CCNB1: variants seen among roughly 807,000 people sequenced by gnomAD.
The protein encoded by CCNB1 is cyclin B1, also known as G2/mitotic-specific cyclin-B1.
Under a neutral mutation model 44.4 loss-of-function variants are expected in CCNB1, and 26 were observed. The ratio of observed to expected loss-of-function variants is 0.59; its 90% CI spans 0.43 to 0.81. The LOEUF is 0.81. CCNB1 is among the 40% of genes least tolerant of loss of function. CCNB1 has a pLI of 0.00. For synonymous variants in CCNB1, 195 were observed against 181.4 expected (o/e 1.08, Z -0.60); for missense variants, 477 against 520.9 (o/e 0.92, Z 0.82).
chr5:69,168,189 C>T lies in CCNB1; in HGVS notation c.209C>T (p.Ala70Val). The change falls in exon 3 of 9, where the codon GCT becomes GTT. Residue 70 changes from alanine to valine, a missense_variant. Coordinates refer to ENST00000256442, the MANE Select transcript of CCNB1 (RefSeq NM_031966.4). Reference protein sequence around the residue: ...MPMKKEAKPSATGKVIDKKLP... With the variant: ...MPMKKEAKPSVTGKVIDKKLP... ...CATCTACAGGAAGCAAAACCTTCAG[C>T]TACTGGAAAAGTCATTGATAAAAAA... 6.2e-7 allele frequency: 1 copy of T among 1,614,072 alleles called. No homozygotes were observed. Among genetic ancestry groups the T allele is most frequent in the South Asian group, 1.1e-5 (1 of 91,060 alleles).
intron 1 of CCNB1, 160 bp downstream of exon 1, chr5:69,167,443 G>A (rs1177524837): frequency 5.7e-6 from 4 of 697,266 alleles, no homozygotes; most frequent in South Asian, 4.8e-5. Flanking sequence ...GTGGGCCCAG[G>A]CCTGGTGAGA....
chr5:69,169,219 C>T (rs1028462573), intron 3 of CCNB1, among the ~76,000 whole-genome samples: 1 of 152,028 alleles, frequency 6.6e-6, no homozygotes, highest in African/African-American at 2.4e-5. Context: ...TACAGACGCA[C>T]GCCACCACGC....
chr5:69,170,042 C>T (rs1747426002), intron 3 of CCNB1, among the ~76,000 whole-genome samples: 1 of 151,834 alleles, frequency 6.6e-6, no homozygotes, highest in Admixed American at 6.6e-5. Context: ...TGGCTCACTG[C>T]AACCTCTACC....
At position 69,167,366 on chromosome 5, in the gene CCNB1, G is replaced by GC. The variant is rs545330687; in HGVS notation, c.21+84dup. 1,222 of 1,510,844 alleles carry GC rather than the reference G, an allele frequency of 8.1e-4. 9 individuals are homozygous for GC. Among genetic ancestry groups the GC allele is most frequent in the Admixed American group, 7.9e-3 (465 of 59,084 alleles). 93.6% of individuals were successfully genotyped at this position (1,510,844 alleles called of 1,614,324 possible). A position where few individuals can be genotyped will look rare whatever the true frequency, so the allele number is the denominator to read the frequency against. On this transcript the variant is annotated intron_variant, in intron 1 of 8. Coordinates refer to ENST00000256442, the MANE Select transcript of CCNB1 (RefSeq NM_031966.4). Reference sequence around the variant, plus strand: ...TGCCTCGCCTGCGGGAGCCTCCCGAGCGGGAGAGGGCCGCAGGAGCGATTT... The same window carrying GC: ...TGCCTCGCCTGCGGGAGCCTCCCGAGCCGGGAGAGGGCCGCAGGAGCGATTT...
chr5:69,168,161 T>A lies in CCNB1; in HGVS notation c.193-12T>A, dbSNP rs762399522. ...ATGCAGAAACATTTCATTCTCTCTG[T>A]TTCATCTACAGGAAGCAAAACCTTC... On this transcript the variant is annotated splice_polypyrimidine_tract_variant and intron_variant, in intron 2 of 8. Coordinates refer to ENST00000256442, the MANE Select transcript of CCNB1 (RefSeq NM_031966.4). 1 of 1,613,488 alleles carries A rather than the reference T, an allele frequency of 6.2e-7. No homozygotes were observed. Among genetic ancestry groups the A allele is most frequent in the Non-Finnish European group, 8.5e-7 (1 of 1,179,592 alleles).
intron 4 of CCNB1, among the ~76,000 whole-genome samples, chr5:69,172,406 A>G (rs1183232912): frequency 1.3e-5 from 2 of 152,016 alleles, no homozygotes; most frequent in Non-Finnish European, 2.9e-5. Flanking sequence ...ACAGGTGCCC[A>G]CCACAACACC....
intron 7 of CCNB1, among the ~76,000 whole-genome samples, chr5:69,176,617 A>G (rs1258750841): frequency 6.7e-5 from 10 of 149,590 alleles, no homozygotes; most frequent in Non-Finnish European, 1.3e-4. Flanking sequence ...TGATCCGCCC[A>G]CCTTGGCCTC....
At position 69,167,292 on chromosome 5, in the gene CCNB1, C is replaced by T. The variant is rs745919037; in HGVS notation, c.21+9C>T. ...CGCTCCGAGTCACCAGGGTGAGCCG[C>T]TTCGGACTGCGAACTAACGCGGCCT... is the stretch of plus-strand genomic sequence containing the variant. On this transcript the variant is annotated intron_variant, in intron 1 of 8. Transcript: ENST00000256442. 92 of 1,595,870 alleles carry T rather than the reference C, an allele frequency of 5.8e-5. 2 individuals carry two copies. Among genetic ancestry groups the T allele is most frequent in the Non-Finnish European group, 7.4e-5 (87 of 1,174,154 alleles).
intron 7 of CCNB1, among the ~76,000 whole-genome samples, chr5:69,175,981 A>AT (rs1747577420): frequency 3.4e-5 from 3 of 87,668 alleles, no homozygotes; most frequent in African/African-American, 4.9e-5. Context: ...AAAATATATA[A>AT]AATATATATA....
At chr5:69,177,163 A>G in intron 7 of CCNB1, 76 bp from the exon 8 acceptor site, 1 of 802,940 alleles carries the variant, frequency 1.2e-6, no homozygotes, top group Non-Finnish European at 2.1e-6. Context: ...CCACTCCTGA[A>G]TAACATCTAA....
Position 69,167,160 on chromosome 5 carries a change from G to C in CCNB1, c.-103G>C. 1.1e-6 allele frequency: 1 copy of C among 951,644 alleles called. No homozygotes were observed. The highest frequency in any genetic ancestry group is 1.6e-6 in the Non-Finnish European group (1 of 644,112). The allele number at this position is 951,644 out of a possible 1,614,324, so 59.0% of individuals were successfully genotyped here. On this transcript the variant is annotated 5_prime_UTR_variant, in exon 1 of 9. Transcript: ENST00000256442. ...AGGCTGGCTCTTCTCGGCGTGCTGC[G>C]GCGGAACGGCTGTTGGTTTCTGCTG...
chr5:69,167,929 A>T lies in CCNB1; in HGVS notation c.43A>T (p.Asn15Tyr). ...VTRNSKINAE[N>Y]KAKINMAGAK... ...TCAGAACTCGAAAATTAATGCTGAA[A>T]ATAAGGCGAAGATCAACATGGCAGG... Residue 15 changes from asparagine (N) to tyrosine (Y), a missense_variant, in exon 2 of 9, where the codon AAT (asparagine) becomes TAT (tyrosine). Coordinates refer to ENST00000256442, the MANE Select transcript of CCNB1 (RefSeq NM_031966.4). 2 of 1,610,092 alleles carry T rather than the reference A, an allele frequency of 1.2e-6. No homozygotes were observed.
chr5:69,174,901 C>T lies in CCNB1; in HGVS notation c.730C>T (p.Leu244=), dbSNP rs778378521. ...GAATAATTGTGTGCCCAAGAAGATG[C>T]TGCAGCTGGTTGGTGTCACTGCCAT... ...MQNNCVPKKM[L]QLVGVTAMFI... Residue 244 remains leucine (L), a synonymous_variant, in exon 6 of 9, where the codon CTG becomes TTG. Coordinates refer to ENST00000256442, the MANE Select transcript of CCNB1 (RefSeq NM_031966.4). The T allele has an allele frequency of 8.7e-6, 14 of 1,614,040 alleles. No individual in the cohort carries two copies. The Admixed American group carries it at 1.7e-4, about 19-fold the overall frequency.
At chr5:69,174,192 G>T in intron 4 of CCNB1, 59 bp from the exon 5 acceptor site, 1 of 1,496,898 alleles carries the variant, frequency 6.7e-7, no homozygotes, top group South Asian at 1.2e-5. Flanking sequence ...GATCTTTCTG[G>T]ACATAAATGT....
Position 69,171,425 on chromosome 5 carries a change from T to C in CCNB1, c.519T>C (p.Asp173=), listed in dbSNP as rs1016484804. Residue 173 remains aspartate, a synonymous_variant, in exon 4 of 9, where the codon GAT becomes GAC. Transcript: ENST00000256442. ...DPNLCSEYVK[D]IYAYLRQLEE... is the part of the protein sequence containing the mutation. ...ACCTTTGTAGTGAATATGTGAAAGA[T>C]ATTTATGCTTATCTGAGACAACTTG... 5.0e-6 allele frequency: 8 copies of C among 1,606,572 alleles called. No individual in the cohort carries two copies. The highest frequency in any genetic ancestry group is 5.1e-6 in the Non-Finnish European group (6 of 1,177,840).
At chr5:69,172,270 GT>G (rs1308962546) in intron 4 of CCNB1, among the ~76,000 whole-genome samples, 1 of 151,788 alleles carries the variant, frequency 6.6e-6, no homozygotes, top group Non-Finnish European at 1.5e-5. Flanking sequence ...TTTGGTTTTG[GT>G]TTTTTTGAGA....
chr5:69,167,528 G>A, intron 1 of CCNB1: 1 of 546,300 alleles, frequency 1.8e-6, no homozygotes, highest in South Asian at 2.3e-5. Context: ...ATGTTTTGGG[G>A]AGGTGGAGAG....
At chr5:69,172,768 T>TC (rs1747492169) in intron 4 of CCNB1, among the ~76,000 whole-genome samples, 1 of 148,052 alleles carries the variant, frequency 6.8e-6, no homozygotes. Flanking sequence ...ATGTGCTGTT[T>TC]CTTTTTTTTT....
chr5:69,176,281 C>A (rs1473004106), intron 7 of CCNB1, among the ~76,000 whole-genome samples: 1 of 151,496 alleles, frequency 6.6e-6, no homozygotes, highest in Non-Finnish European at 1.5e-5. Flanking sequence ...ACTTGAAGGT[C>A]AAATGACATA....
Sources: allele counts gnomAD v4.1 joint callset (sites outside exome capture counted in the v4.1 genomes callset), GRCh38; gene constraint gnomAD v4.1.1; transcripts MANE v1.5; gene names NCBI Gene and HGNC (gene_info 2026-07-23, HGNC 2026-07-21).